The following HECTD4 variants were observed in gnomAD, a reference collection of about 807,000 sequenced individuals.
HECTD4 encodes HECT domain E3 ubiquitin protein ligase 4.
A neutral mutation model predicts 471.5 loss-of-function variants in HECTD4; 114 were observed. That is an observed-to-expected ratio of 0.24 (90% confidence interval 0.21 to 0.28). HECTD4 has a LOEUF of 0.28. Ranked by LOEUF, HECTD4 falls within the 10% of genes least tolerant of loss-of-function variation. The pLI, the probability that HECTD4 is intolerant of heterozygous loss-of-function variation, is 1.00. For missense variants in HECTD4, 3,866 were observed against 5,651.5 expected, an observed-to-expected ratio of 0.68 and a Z score of 10.13; for synonymous variants, 2,012 against 2,256.0, an observed-to-expected ratio of 0.89 and a Z score of 3.07.
In HECTD4 at chr12:112,239,330, G is replaced by T; in HGVS notation, c.5106-94C>A. On this transcript the variant is annotated intron_variant, in intron 33 of 75. Transcript: ENST00000682272. This position sits in a 1 kb window ranked among gnomAD's most constrained non-coding sequence, Gnocchi z 4.9. ...GTTCAAAGGGGCATAAAACATGCTGGTGCAGCTCTTTCCCTACAACTTAGG... is the reference window on the plus strand; with the variant it reads ...GTTCAAAGGGGCATAAAACATGCTGTTGCAGCTCTTTCCCTACAACTTAGG... 9.3e-7 allele frequency: 1 copy of T among 1,074,350 alleles called. No individual in the cohort carries two copies. Among genetic ancestry groups the T allele is most frequent in the Non-Finnish European group, 1.3e-6 (1 of 766,040 alleles). The allele number at this position is 1,074,350 out of a possible 1,614,324, so 66.6% of individuals were successfully genotyped here.
At chr12:112,275,671 C>T (rs943980754) in intron 9 of HECTD4, among the ~76,000 whole-genome samples, 6 of 151,282 alleles carry the variant, frequency 4.0e-5, no homozygotes, top group Admixed American at 2.6e-4. Context: ...TATTTTCTTC[C>T]CCATTTTCAA....
intron 25 of HECTD4, 175 bp downstream of exon 25, chr12:112,249,969 C>G (rs1271887960): frequency 1.3e-5 from 8 of 606,826 alleles, no homozygotes; most frequent in African/African-American, 3.7e-5. Context: ...ATTTTGAGAG[C>G]CCCTAGTCTG....
intron 1 of HECTD4, among the ~76,000 whole-genome samples, chr12:112,323,596 GAA>G (rs886312326): frequency 7.0e-6 from 1 of 143,878 alleles, no homozygotes; most frequent in Non-Finnish European, 1.5e-5. Flanking sequence ...GACATTCTGG[GAA>G]AAAAAAAAAA....
intron 1 of HECTD4, among the ~76,000 whole-genome samples, chr12:112,338,072 T>C (rs888585603): frequency 2.0e-5 from 3 of 152,210 alleles, no homozygotes; most frequent in Non-Finnish European, 2.9e-5. Context: ...TCGGTATCAC[T>C]GGGCTGAAAT....
At chr12:112,249,581 A>G (rs2033834007) in intron 25 of HECTD4, 1 of 154,256 alleles carries the variant, frequency 6.5e-6, no homozygotes, top group African/African-American at 2.4e-5. Context: ...TATATTCTCT[A>G]AAGTTTTCTC....
chr12:112,377,950 T>A (rs1297289221), intron 1 of HECTD4, among the ~76,000 whole-genome samples: 8 of 152,218 alleles, frequency 5.3e-5, no homozygotes, highest in Non-Finnish European at 1.2e-4. Context: ...TCTGCTTAAA[T>A]TAAAATACTA....
chr12:112,168,942 A>G (rs879358601), intron 70 of HECTD4, among the ~76,000 whole-genome samples: 1 of 152,198 alleles, frequency 6.6e-6, no homozygotes, highest in Non-Finnish European at 1.5e-5. Flanking sequence ...CCGTGGGGGC[A>G]GATCAGAGGA....
chr12:112,217,900 T>C (rs563698703), intron 45 of HECTD4, among the ~76,000 whole-genome samples: 139 of 152,326 alleles, frequency 9.1e-4, no homozygotes, highest in African/African-American at 3.3e-3. Flanking sequence ...TTAGTTGTCT[T>C]GCTTTCTCAG....
At chr12:112,196,280 A>G (rs1457455570) in intron 55 of HECTD4, among the ~76,000 whole-genome samples, 1 of 152,226 alleles carries the variant, frequency 6.6e-6, no homozygotes, top group Non-Finnish European at 1.5e-5. Flanking sequence ...ACAACCCCAT[A>G]TGGAACACTT....
chr12:112,236,957 T>G lies in HECTD4; in HGVS notation c.5432A>C (p.Asn1811Thr), dbSNP rs368060159. ...GGACCTTGCATACCTTGAGAGATCA[T>G]TGAGAAGACTAAGGACATCCTGGAG... Reference protein sequence around the residue: ...DALQDVLSLLNDLSRSHIGKA... With the variant: ...DALQDVLSLLTDLSRSHIGKA... Residue 1811 changes from asparagine to threonine, a missense_variant, in exon 35 of 76, where the codon AAT becomes ACT. Asn to Thr is a moderately conservative substitution (Grantham distance 65, BLOSUM62 0). This residue lies in a region of HECTD4 where 229 missense variants were observed against 386.4 expected (regional missense o/e 0.59). Coordinates refer to ENST00000682272, the MANE Select transcript of HECTD4 (RefSeq NM_001388303.1). The G allele has an allele frequency of 1.2e-6, 2 of 1,611,148 alleles. No individual in the cohort carries two copies.
rs1474687359 is a variant in HECTD4, at chr12:112,236,990, T to C, written c.5399A>G (p.Asn1800Ser). The change falls in exon 35 of 76, where the codon AAT (asparagine) becomes AGT (serine). Residue 1800 changes from asparagine to serine, a missense_variant. Asn to Ser is a conservative substitution (Grantham distance 46). Around this residue, in one of 16 missense-constraint regions of HECTD4, gnomAD observed 229 missense variants for 386.4 expected, o/e 0.59. Transcript: ENST00000682272. ...ACTAAGGACATCCTGGAGCGCGTCATTCCCAGCAGCCTGGTTGCCACAGCA... is the reference window on the plus strand; with the variant it reads ...ACTAAGGACATCCTGGAGCGCGTCACTCCCAGCAGCCTGGTTGCCACAGCA... Reference protein sequence around the residue: ...TECCGNQAAGNDALQDVLSLL... With the variant: ...TECCGNQAAGSDALQDVLSLL... The C allele has an allele frequency of 2.5e-6, 4 of 1,612,970 alleles. No homozygotes were observed. The highest frequency in any genetic ancestry group is 3.4e-6 in the Non-Finnish European group (4 of 1,179,564).
At chr12:112,292,177 T>A (rs1758130831) in intron 7 of HECTD4, among the ~76,000 whole-genome samples, 1 of 152,178 alleles carries the variant, frequency 6.6e-6, no homozygotes, top group African/African-American at 2.4e-5. Context: ...TCACTCCACT[T>A]GAGACACACA....
chr12:112,324,869 C>T (rs2035708951), intron 1 of HECTD4, among the ~76,000 whole-genome samples: 1 of 152,072 alleles, frequency 6.6e-6, no homozygotes, highest in Non-Finnish European at 1.5e-5. Context: ...TTATTTCTTC[C>T]ACCCAAAACA....
Position 112,228,820 on chromosome 12 carries a change from A to C in HECTD4, c.6520-9T>G. On this transcript the variant is annotated splice_polypyrimidine_tract_variant and intron_variant, in intron 41 of 75. Coordinates refer to ENST00000682272, the MANE Select transcript of HECTD4 (RefSeq NM_001388303.1). The surrounding 1 kb of genome is among the most constrained non-coding windows in gnomAD (Gnocchi z 4.9). ...ATTCCTCTACCTAAAACCTGGAGAC[A>C]GACATAGATTAGCACTACCAACCAG... 1.2e-6 allele frequency: 2 copies of C among 1,613,176 alleles called. No individual in the cohort carries two copies. Among genetic ancestry groups the C allele is most frequent in the Non-Finnish European group, 1.7e-6 (2 of 1,179,684 alleles).
chr12:112,364,019 C>CAAAAAAAAAAAAAAAAAAAAAAAAA, intron 1 of HECTD4, among the ~76,000 whole-genome samples: 1 of 118,554 alleles, frequency 8.4e-6, no homozygotes. Flanking sequence ...AAAAAAAAAT[C>CAAAAAAAAAAAAAAAAAAAAAAAAA]AAAGGTCGTG....
At chr12:112,176,348 T>C (rs1378613770) in intron 65 of HECTD4, among the ~76,000 whole-genome samples, 1 of 152,210 alleles carries the variant, frequency 6.6e-6, no homozygotes, top group Non-Finnish European at 1.5e-5. Context: ...CTGGAACTGC[T>C]ATTTTACTTC....
intron 15 of HECTD4, 136 bp downstream of exon 15, chr12:112,265,742 T>G (rs565201888): frequency 1.6e-6 from 1 of 635,078 alleles, no homozygotes; most frequent in African/African-American, 1.8e-5. Flanking sequence ...ATCTTTCAAC[T>G]GGTCCATGCT....
intron 1 of HECTD4, among the ~76,000 whole-genome samples, chr12:112,334,587 G>A (rs2035906645): frequency 7.0e-6 from 1 of 142,872 alleles, no homozygotes; most frequent in Admixed American, 7.2e-5. Context: ...GAGGTCAGGA[G>A]TTCGAGACCA....
Position 112,167,299 on chromosome 12 carries a change from A to T in HECTD4, c.12534+18T>A. 6.3e-7 allele frequency: 1 copy of T among 1,596,008 alleles called. No homozygotes were observed. Among genetic ancestry groups the T allele is most frequent in the Non-Finnish European group, 8.6e-7 (1 of 1,168,186 alleles). On this transcript the variant is annotated intron_variant, in intron 72 of 75. Coordinates refer to ENST00000682272, the MANE Select transcript of HECTD4 (RefSeq NM_001388303.1). ...GCCCCGGGTTCTGCAGCCCCCCAGAACTGTGCCTTGCACTCACGCTCTCAA... is the reference window on the plus strand; with the variant it reads ...GCCCCGGGTTCTGCAGCCCCCCAGATCTGTGCCTTGCACTCACGCTCTCAA...
Sources: gnomAD v4.1 joint callset for allele counts (sites outside exome capture counted in the v4.1 genomes callset) on GRCh38, gnomAD v4.1.1 for gene constraint, gnomAD v4.1.1 regional missense constraint, Gnocchi (gnomAD v3.1) non-coding constraint, MANE v1.5 for transcripts, NCBI Gene and HGNC (gene_info 2026-07-23, HGNC 2026-07-21) for gene names.